The following PCNX1 variants were observed in gnomAD, a reference collection of about 807,000 sequenced individuals.
PCNX1 encodes the protein pecanex-like protein 1.
Under a neutral mutation model 242.2 loss-of-function variants are expected in PCNX1, and 78 were observed. The observed-to-expected ratio is 0.32, with a 90% CI of 0.27 to 0.39. The LOEUF (loss-of-function observed/expected upper bound fraction) is 0.39, where lower values mean the gene tolerates loss of function less well. Among genes scored for constraint, PCNX1 ranks in the 10% least tolerant of loss-of-function variants. PCNX1 has a pLI of 1.00. For synonymous variants in PCNX1, 1,024 were observed against 1,032.9 expected, an observed-to-expected ratio of 0.99 and a Z score of 0.17; for missense variants, 2,581 against 2,856.5, an observed-to-expected ratio of 0.90 and a Z score of 2.20.
chr14:70,939,600 T>A (rs375249626), intron 1 of PCNX1, among the ~76,000 whole-genome samples: 2 of 152,220 alleles, frequency 1.3e-5, no homozygotes, highest in South Asian at 4.1e-4. Flanking sequence ...GAGAAGAATG[T>A]ATATTCTGTT....
At chr14:70,929,029 T>C (rs2056691256) in intron 1 of PCNX1, among the ~76,000 whole-genome samples, 1 of 152,228 alleles carries the variant, frequency 6.6e-6, no homozygotes, top group Non-Finnish European at 1.5e-5. Context: ...CTATAAAGTT[T>C]AGATTGTTGG....
chr14:71,090,914 A>G (rs1173865681), intron 30 of PCNX1, among the ~76,000 whole-genome samples: 1 of 152,190 alleles, frequency 6.6e-6, no homozygotes, highest in Non-Finnish European at 1.5e-5. Context: ...TGTTGCTGCC[A>G]GGTCTCTTTC....
chr14:71,069,191 C>T (rs1054338068), intron 26 of PCNX1, among the ~76,000 whole-genome samples: 3 of 152,136 alleles, frequency 2.0e-5, no homozygotes, highest in Admixed American at 6.6e-5. Context: ...GAACTGCCCC[C>T]ATGATTCAGC....
rs983368423 is a variant in PCNX1 at position 71,108,774 on chromosome 14, C to G, written c.6472C>G (p.Leu2158Val). The change falls in exon 34 of 36, where the codon CTT (leucine) becomes GTT (valine). Residue 2158 changes from leucine (L) to valine (V), a missense_variant. Physicochemically the swap from Leu to Val is conservative, Grantham distance 32. Transcript: ENST00000304743. ...GCGCTCTTCTACTAGTCAGATATCG[C>G]TTCGAAACTTGCCATCATCCATCCA... ...CRRSSTSQIS[L>V]RNLPSSIQSR... The G allele has an allele frequency of 3.7e-6, 6 of 1,614,128 alleles. No homozygotes were observed. Among genetic ancestry groups the G allele is most frequent in the African/African-American group, 1.3e-5 (1 of 74,934 alleles).
chr14:70,926,332 C>G (rs1447510936), intron 1 of PCNX1, among the ~76,000 whole-genome samples: 1 of 152,156 alleles, frequency 6.6e-6, no homozygotes, highest in Admixed American at 6.5e-5. Context: ...CTTGCCATTG[C>G]CCCTGCCGTC....
intron 1 of PCNX1, among the ~76,000 whole-genome samples, chr14:70,909,823 C>G (rs1860463958): frequency 1.3e-5 from 2 of 152,110 alleles, no homozygotes; most frequent in Admixed American, 6.5e-5. Flanking sequence ...GGCAGTCCCA[C>G]TCTTCCCAAA....
Position 71,017,604 on chromosome 14 carries a change from G to A in PCNX1, c.2997-1405G>A, listed in dbSNP as rs1399150397. Among the ~76,000 whole-genome samples, 3 of 152,228 alleles carry A rather than the reference G, an allele frequency of 2.0e-5. No individual in the cohort carries two copies. In the South Asian group the frequency reaches 6.2e-4, roughly 32 times the overall value. ...AACTTGGATTAGGCAAAATTACTTA[G>A]CTCTGATGCCAAAAACAAGATCATT... On this transcript the variant is annotated intron_variant, in intron 11 of 35. Coordinates refer to ENST00000304743, the MANE Select transcript of PCNX1 (RefSeq NM_014982.3).
At chr14:71,027,082 A>C in intron 15 of PCNX1, 200 bp downstream of exon 15, 1 of 450,376 alleles carries the variant, frequency 2.2e-6, no homozygotes. Flanking sequence ...CTTTAGAGAA[A>C]GAGCCAGGTA....
intron 5 of PCNX1, among the ~76,000 whole-genome samples, chr14:70,974,145 A>T (rs1247559653): frequency 6.6e-6 from 1 of 151,540 alleles, no homozygotes; most frequent in Admixed American, 6.6e-5. Flanking sequence ...TTTTATGGCT[A>T]ACTGTGGTAT....
In PCNX1 at chr14:71,110,273, G is replaced by T; in HGVS notation, c.*338G>T. 2 of 317,570 alleles carry T rather than the reference G, an allele frequency of 6.3e-6. No individual in the cohort carries two copies. The highest frequency in any genetic ancestry group is 4.6e-5 in the Admixed American group (1 of 21,760). 19.7% of individuals were successfully genotyped at this position (317,570 alleles called of 1,614,324 possible). A position where few individuals can be genotyped will look rare whatever the true frequency, so the allele number is the denominator to read the frequency against. ...AACAAACTCTTCATTTCTAAACTAT[G>T]ATCTCATATTTTTCTAATTTCTTTG... On this transcript the variant is annotated 3_prime_UTR_variant, in exon 36 of 36. Transcript: ENST00000304743.
At chr14:70,933,724 T>C (rs538004313) in intron 1 of PCNX1, among the ~76,000 whole-genome samples, 2 of 152,256 alleles carry the variant, frequency 1.3e-5, no homozygotes, top group Non-Finnish European at 2.9e-5. Flanking sequence ...ATGAGAAGAA[T>C]AATAGAGCCA....
Position 70,988,626 on chromosome 14 carries a change from C to CAGGCAGTA in PCNX1, c.2372_2379dup (p.Arg795GlnfsTer23). 1 of 1,614,112 alleles carries CAGGCAGTA rather than the reference C, an allele frequency of 6.2e-7. No individual in the cohort carries two copies. The highest frequency in any genetic ancestry group is 8.5e-7 in the Non-Finnish European group (1 of 1,179,992). On this transcript the variant is annotated frameshift_variant, in exon 7 of 36. Coordinates refer to ENST00000304743, the MANE Select transcript of PCNX1 (RefSeq NM_014982.3). LOFTEE classifies it high-confidence loss of function. ...CCGTGAACGCAGCACATTTAGGCGC[C>CAGGCAGTA]AGGCAGTACGGCGCCGGCACAATGC...
intron 6 of PCNX1, among the ~76,000 whole-genome samples, chr14:70,986,324 A>T (rs1017617074): frequency 1.3e-5 from 2 of 152,210 alleles, no homozygotes; most frequent in Admixed American, 1.3e-4. Context: ...ATTCCACTTT[A>T]ACATTGTTCA....
intron 23 of PCNX1, among the ~76,000 whole-genome samples, chr14:71,051,181 AAAAAAAAAAAAAAAAAAT>A (rs1284836118): frequency 4.1e-5 from 6 of 145,516 alleles, no homozygotes; most frequent in East Asian, 3.9e-4. Flanking sequence ...AAAAAAAAAA[AAAAAAAAAAAAAAAAAAT>A]CATAACCTTT....
rs571766435 is a variant in PCNX1, at chr14:70,968,215, G to A, written c.486G>A (p.Ser162=). ...GTTTTCAGATTGGATCTGGTTCCTC[G>A]CGTCTTGGAACAGCAGCAACTATTA... is the stretch of plus-strand genomic sequence containing the variant. ...DPSNQIGSGS[S]RLGTAATIKG... Residue 162 remains serine (S), a synonymous_variant, in exon 4 of 36, where the codon TCG becomes TCA. Coordinates refer to ENST00000304743, the MANE Select transcript of PCNX1 (RefSeq NM_014982.3). 2.7e-5 allele frequency: 43 copies of A among 1,612,662 alleles called. No homozygotes were observed. In the Admixed American group the frequency reaches 3.2e-4, roughly 12 times the overall value.
chr14:71,047,985 G>A lies in PCNX1; in HGVS notation c.4338+1G>A. 1 of 1,603,590 alleles carries A rather than the reference G, an allele frequency of 6.2e-7. No individual in the cohort carries two copies. The highest frequency in any genetic ancestry group is 8.5e-7 in the Non-Finnish European group (1 of 1,172,816). On this transcript the variant is annotated splice_donor_variant, in intron 22 of 35. Transcript: ENST00000304743. LOFTEE classifies it high-confidence loss of function. ...CTTTATGTCCATACTCTTCAACAAG[G>A]TAATTTATCACTGAAAGGAATATCC...
chr14:71,002,663 A>G (rs9323555), intron 8 of PCNX1, among the ~76,000 whole-genome samples: 247 of 152,166 alleles, frequency 1.6e-3, no homozygotes, highest in African/African-American at 5.7e-3. Context: ...GCTTTTTGAG[A>G]TTTCATCATA....
intron 1 of PCNX1, among the ~76,000 whole-genome samples, chr14:70,932,821 A>C (rs112924028): frequency 0.032 from 4,795 of 152,092 alleles, 222 homozygotes; most frequent in African/African-American, 0.11. Flanking sequence ...CATGTTGGTC[A>C]GGCTGGTCTC....
chr14:70,932,636 G>T, intron 1 of PCNX1, among the ~76,000 whole-genome samples: 1 of 150,990 alleles, frequency 6.6e-6, no homozygotes, highest in East Asian at 1.9e-4. Flanking sequence ...TTTTGAGATG[G>T]AATTTCGCTC....
Sources: gnomAD v4.1 joint callset for allele counts (sites outside exome capture counted in the v4.1 genomes callset) on GRCh38, gnomAD v4.1.1 for gene constraint, MANE v1.5 for transcripts, NCBI Gene and HGNC (gene_info 2026-07-23, HGNC 2026-07-21) for gene names.